AKAP6: variants seen among roughly 807,000 people sequenced by gnomAD.
AKAP6 encodes the protein A-kinase anchor protein 6.
In AKAP6, 58 loss-of-function variants were observed where a neutral mutation model predicts 188.5. The observed-to-expected ratio is 0.31, with a 90% CI of 0.25 to 0.38. The LOEUF (loss-of-function observed/expected upper bound fraction) is 0.38. Ranked by LOEUF, AKAP6 falls within the 10% of genes least tolerant of loss-of-function variation. AKAP6 has a pLI of 1.00. For synonymous variants in AKAP6, 989 were observed against 998.6 expected (o/e 0.99, Z 0.18); for missense variants, 2,710 against 2,740.0 (o/e 0.99, Z 0.24).
In AKAP6 at chr14:32,518,258, G is replaced by C. The variant is rs28871152; in HGVS notation, c.325-17296G>C. On this transcript the variant is annotated intron_variant, in intron 2 of 13. Transcript: ENST00000280979. ...GATAGGGAGAAACCAGAGCAGAAAA[G>C]CTGAAAATTCTAAAAATCAGAGCAC... 9.0e-3 allele frequency among the ~76,000 whole-genome samples: 1,376 copies of C among 152,304 alleles called. 23 individuals carry two copies. Among genetic ancestry groups the C allele is most frequent in the African/African-American group, 0.029 (1,209 of 41,574 alleles).
chr14:32,757,218 G>A (rs1165590067), intron 11 of AKAP6, among the ~76,000 whole-genome samples: 2 of 152,118 alleles, frequency 1.3e-5, no homozygotes, highest in Non-Finnish European at 1.5e-5. Flanking sequence ...CTCTCATCTG[G>A]TTTCCTTAGC....
At chr14:32,406,242 G>A (rs1317610175) in intron 1 of AKAP6, among the ~76,000 whole-genome samples, 1 of 152,194 alleles carries the variant, frequency 6.6e-6, no homozygotes, top group Non-Finnish European at 1.5e-5. Context: ...GTCTTGCTCT[G>A]TTGCCCAGGT....
intron 11 of AKAP6, among the ~76,000 whole-genome samples, chr14:32,766,774 G>A (rs1165596695): frequency 6.6e-6 from 1 of 152,052 alleles, no homozygotes; most frequent in Non-Finnish European, 1.5e-5. Context: ...TTTAAATTTT[G>A]ATGAAGCCCA....
At chr14:32,510,421 TATAC>T (rs1296510720) in intron 2 of AKAP6, among the ~76,000 whole-genome samples, 4 of 98,556 alleles carry the variant, frequency 4.1e-5, no homozygotes, top group African/African-American at 1.7e-4. Context: ...TATGTATATA[TATAC>T]ATATATATAT....
At chr14:32,463,704 A>C (rs1292372212) in intron 2 of AKAP6, among the ~76,000 whole-genome samples, 1 of 151,996 alleles carries the variant, frequency 6.6e-6, no homozygotes, top group Non-Finnish European at 1.5e-5. Context: ...AGAAGCAAGA[A>C]CAAATTCCAA....
intron 7 of AKAP6, among the ~76,000 whole-genome samples, chr14:32,634,181 G>A (rs1197322955): frequency 2.0e-5 from 3 of 151,946 alleles, no homozygotes; most frequent in Non-Finnish European, 4.4e-5. Flanking sequence ...CCTTGAACAA[G>A]TTACTCAACC....
chr14:32,628,388 A>T (rs1887112979), intron 7 of AKAP6, among the ~76,000 whole-genome samples: 1 of 152,098 alleles, frequency 6.6e-6, no homozygotes, highest in Admixed American at 6.6e-5. Flanking sequence ...ATAAAATTAC[A>T]TGTTCTTTTG....
intron 11 of AKAP6, among the ~76,000 whole-genome samples, chr14:32,772,732 A>T (rs2139990262): frequency 6.6e-6 from 1 of 152,324 alleles, no homozygotes; most frequent in East Asian, 1.9e-4. Flanking sequence ...ACTAAATGAA[A>T]TTGCATTGTC....
At chr14:32,674,345 G>A (rs1475841864) in intron 7 of AKAP6, among the ~76,000 whole-genome samples, 1 of 152,148 alleles carries the variant, frequency 6.6e-6, no homozygotes, top group Non-Finnish European at 1.5e-5. Flanking sequence ...GCCACTATAA[G>A]AGAAGAGATT....
At chr14:32,491,863 T>A (rs1380970918) in intron 2 of AKAP6, among the ~76,000 whole-genome samples, 1 of 152,218 alleles carries the variant, frequency 6.6e-6, no homozygotes, top group East Asian at 1.9e-4. Context: ...CAGTGATTCA[T>A]GACTCAAGTG....
chr14:32,595,244 T>C (rs1215022932), intron 5 of AKAP6, among the ~76,000 whole-genome samples: 1 of 152,124 alleles, frequency 6.6e-6, no homozygotes, highest in East Asian at 1.9e-4. Flanking sequence ...ACTGGCATAT[T>C]CTTCCATGAC....
intron 11 of AKAP6, among the ~76,000 whole-genome samples, chr14:32,759,393 T>C (rs1261532971): frequency 1.3e-5 from 2 of 152,302 alleles, no homozygotes; most frequent in East Asian, 3.9e-4. Context: ...TCCTTCTTTA[T>C]TTTTCTTTAG....
At chr14:32,474,427 GT>G (rs1878949694) in intron 2 of AKAP6, 1 of 152,132 alleles carries the variant, frequency 6.6e-6, no homozygotes, top group Admixed American at 6.5e-5. Flanking sequence ...TGCTGTTTTT[GT>G]GGGTCAAAGG....
Position 32,617,201 on chromosome 14 carries a change from C to T in AKAP6, c.2730+16409C>T, listed in dbSNP as rs77453283. The stretch of plus-strand genomic sequence containing the variant: ...CCCTTTTCTTCCTTTGCCATAGCCA[C>T]ATGAGGGTACCTCTAGTCTCCAAAA... On this transcript the variant is annotated intron_variant, in intron 7 of 13. Transcript: ENST00000280979. Among the ~76,000 whole-genome samples the T allele has an allele frequency of 3.6e-3, 547 of 152,266 alleles. 4 individuals are homozygous for T. Among genetic ancestry groups the T allele is most frequent in the African/African-American group, 0.012 (492 of 41,552 alleles).
At position 32,824,002 on chromosome 14, in the gene AKAP6, C is replaced by A. The variant is rs1321433688; in HGVS notation, c.6189C>A (p.Ile2063=). The A allele has an allele frequency of 6.2e-7, 1 of 1,613,920 alleles. No individual in the cohort carries two copies. Among genetic ancestry groups the A allele is most frequent in the Admixed American group, 1.7e-5 (1 of 59,928 alleles). ...CAGTACACAACTTTGTTAAGGAAAT[C>A]ATTGACATGGCTTCGACAGCCCTAA... The part of the protein sequence containing the change: ...DCSVHNFVKE[I]IDMASTALKS... The change falls in exon 13 of 14, where the codon ATC becomes ATA. Residue 2063 remains isoleucine (I), a synonymous_variant. Coordinates refer to ENST00000280979, the MANE Select transcript of AKAP6 (RefSeq NM_004274.5).
intron 1 of AKAP6, among the ~76,000 whole-genome samples, chr14:32,410,419 T>C (rs1184403520): frequency 6.6e-6 from 1 of 152,166 alleles, no homozygotes; most frequent in Admixed American, 6.6e-5. Flanking sequence ...CTTTGAGTTG[T>C]CCTGCCTTTC....
At chr14:32,439,739 GA>G (rs1212869620) in intron 2 of AKAP6, among the ~76,000 whole-genome samples, 5 of 150,694 alleles carry the variant, frequency 3.3e-5, no homozygotes, top group Middle Eastern at 6.8e-3. Context: ...ATAAATTCTT[GA>G]TAAGGGGAAG....
At chr14:32,427,732 A>AT (rs1488836019) in intron 1 of AKAP6, among the ~76,000 whole-genome samples, 3 of 152,282 alleles carry the variant, frequency 2.0e-5, no homozygotes, top group East Asian at 1.9e-4. Flanking sequence ...AGGCCAGAGG[A>AT]TTTTTTTATT....
chr14:32,580,415 A>G (rs1306611194), intron 5 of AKAP6, among the ~76,000 whole-genome samples: 1 of 152,072 alleles, frequency 6.6e-6, no homozygotes, highest in Non-Finnish European at 1.5e-5. Flanking sequence ...TTGTATAGGT[A>G]TGTTCTTGGA....
Sources: allele counts gnomAD v4.1 joint callset (sites outside exome capture counted in the v4.1 genomes callset), GRCh38; gene constraint gnomAD v4.1.1; transcripts MANE v1.5; gene names NCBI Gene and HGNC (gene_info 2026-07-23, HGNC 2026-07-21).